Variants in UROC1 observed in about 807,000 individuals in gnomAD.
UROC1 encodes the protein urocanate hydratase 1.
Under a neutral mutation model 89.5 loss-of-function variants are expected in UROC1, and 79 were observed. The ratio of observed to expected loss-of-function variants is 0.88; its 90% CI spans 0.74 to 1.06. The LOEUF (loss-of-function observed/expected upper bound fraction) is 1.06. Ranked by LOEUF, UROC1 falls within the 50% of genes least tolerant of loss-of-function variation. The pLI, the probability that UROC1 is intolerant of heterozygous loss-of-function variation, is 0.00. For missense variants in UROC1, 885 were observed against 907.8 expected, an observed-to-expected ratio of 0.97 and a Z score of 0.32; for synonymous variants, 361 against 354.8, an observed-to-expected ratio of 1.02 and a Z score of -0.20.
chr3:126,502,629 TATGTGTGTGC>T, intron 9 of UROC1, among the ~76,000 whole-genome samples: 1 of 149,720 alleles, frequency 6.7e-6, no homozygotes, highest in Non-Finnish European at 1.5e-5. Flanking sequence ...TGTGTGTGTT[TATGTGTGTGC>T]ATGTGTGCAC....
Position 126,505,686 on chromosome 3 carries a change from A to C in UROC1, c.813+15T>G. The C allele has an allele frequency of 6.2e-7, 1 of 1,613,144 alleles. No individual in the cohort carries two copies. Among genetic ancestry groups the C allele is most frequent in the Middle Eastern group, 1.7e-4 (1 of 6,058 alleles). On this transcript the variant is annotated intron_variant, in intron 8 of 19. Transcript: ENST00000290868. ...GAGGCAGGCAGGAGCGAAGGCCAGG[A>C]GCCCCCCAGCTTACCTCTGCTATCA...
intron 18 of UROC1, among the ~76,000 whole-genome samples, chr3:126,483,763 C>T (rs1480312705): frequency 2.6e-5 from 4 of 152,230 alleles, no homozygotes; most frequent in Non-Finnish European, 4.4e-5. Flanking sequence ...TCCTGGGTAC[C>T]CCCAGTGGGC....
Position 126,500,786 on chromosome 3 carries a change from CA to C in UROC1, c.1053del (p.Asn351LysfsTer33). 6.2e-7 allele frequency: 1 copy of C among 1,614,106 alleles called. No homozygotes were observed. Among genetic ancestry groups the C allele is most frequent in the Non-Finnish European group, 8.5e-7 (1 of 1,180,036 alleles). Reference sequence around the variant, plus strand: ...CTGAGCTGCACAGGGTAGTAGCCGCCATTGAACGGGTTGTGGCAGGATGTCT... The same window carrying C: ...CTGAGCTGCACAGGGTAGTAGCCGCCTTGAACGGGTTGTGGCAGGATGTCT... ...SDQTSCHNPF[N>X]GGYYPVQLSF... On this transcript the variant is annotated frameshift_variant, in exon 11 of 20. Transcript: ENST00000290868. LOFTEE classifies it high-confidence loss of function.
chr3:126,511,124 T>A (rs1092239), intron 1 of UROC1, among the ~76,000 whole-genome samples: 1 of 152,050 alleles, frequency 6.6e-6, no homozygotes, highest in Non-Finnish European at 1.5e-5. Flanking sequence ...CTTGTGGCTA[T>A]GGTGTAGAAT....
At chr3:126,496,002 C>T in intron 15 of UROC1, 36 bp downstream of exon 15, 2 of 1,603,882 alleles carry the variant, frequency 1.2e-6, no homozygotes, top group African/African-American at 2.7e-5. Context: ...TCTGACAGCA[C>T]AGCCACCCCA....
At chr3:126,507,157 C>T (rs988596871) in intron 6 of UROC1, among the ~76,000 whole-genome samples, 2 of 152,186 alleles carry the variant, frequency 1.3e-5, no homozygotes, top group East Asian at 1.9e-4. Context: ...AGGGGCTGTG[C>T]GAGACCTCTC....
At chr3:126,501,120 CT>C in intron 10 of UROC1, 97 bp downstream of exon 10, 1 of 1,384,990 alleles carries the variant, frequency 7.2e-7, no homozygotes, top group Non-Finnish European at 1.0e-6. Context: ...GGGCTCAAAG[CT>C]TTGTGTCCTG....
intron 11 of UROC1, 107 bp downstream of exon 11, chr3:126,500,588 G>T: frequency 1.4e-6 from 2 of 1,417,036 alleles, no homozygotes; most frequent in Non-Finnish European, 2.0e-6. Flanking sequence ...TTAAGGTCTT[G>T]CCCAAGGCCA....
intron 13 of UROC1, among the ~76,000 whole-genome samples, chr3:126,498,531 G>A (rs1428052560): frequency 6.6e-6 from 1 of 152,042 alleles, no homozygotes; most frequent in African/African-American, 2.4e-5. Context: ...TGGGGAACTC[G>A]CCCTAGGTGA....
At position 126,505,970 on chromosome 3, in the gene UROC1, G is replaced by T; in HGVS notation, c.644C>A (p.Pro215His). 1 of 1,613,530 alleles carries T rather than the reference G, an allele frequency of 6.2e-7. No individual in the cohort carries two copies. The highest frequency in any genetic ancestry group is 8.5e-7 in the Non-Finnish European group (1 of 1,180,006). ...MTAGSYCYIG[P>H]QGIVHGTVLT... ...CACAGTGCCATGAACGATTCCCTGG[G>T]GACCGATGTAGCAGTAGCTACCTGC... Residue 215 changes from proline to histidine, a missense_variant, in exon 7 of 20, where the codon CCC becomes CAC. By Grantham distance (77) the Pro-to-His change is moderately conservative. Transcript: ENST00000290868.
intron 8 of UROC1, 56 bp from the exon 9 acceptor site, chr3:126,504,139 C>T (rs1936002334): frequency 1.3e-6 from 2 of 1,577,278 alleles, no homozygotes; most frequent in Non-Finnish European, 1.7e-6. Flanking sequence ...TACAAATCTT[C>T]CCTAAGTGTA....
In UROC1 at chr3:126,510,739, G is replaced by A. The variant is rs1338435550; in HGVS notation, c.182C>T (p.Ala61Val). The change falls in exon 2 of 20, where the codon GCC (alanine) becomes GTC (valine). Residue 61 changes from alanine (A) to valine (V), a missense_variant. Ala to Val is a moderately conservative substitution (Grantham distance 64, BLOSUM62 0). Coordinates refer to ENST00000290868, the MANE Select transcript of UROC1 (RefSeq NM_144639.3). ...TTGCAGCTCCTGGGCAAACTCTGGG[G>A]CCAGCAGCTCCTGGACATCCGGGGG... is the stretch of plus-strand genomic sequence containing the variant. ...YFPPDVQELL[A>V]PEFAQELQLY... 1 of 1,614,042 alleles carries A rather than the reference G, an allele frequency of 6.2e-7. No individual in the cohort carries two copies. Among genetic ancestry groups the A allele is most frequent in the Admixed American group, 1.7e-5 (1 of 60,010 alleles).
Position 126,509,632 on chromosome 3 carries a change from C to T in UROC1, c.304G>A (p.Ala102Thr), listed in dbSNP as rs752841139. Reference protein sequence around the residue: ...QYPCQTKVAAAIMHMIMNNLD... With the variant: ...QYPCQTKVAATIMHMIMNNLD... ...TTGTTCATAATCATGTGCATGATGG[C>T]GGCAGCCACTTTCGTCTGGCAGGGG... Residue 102 changes from alanine (A) to threonine (T), a missense_variant, in exon 3 of 20, where the codon GCC (alanine) becomes ACC (threonine). Coordinates refer to ENST00000290868, the MANE Select transcript of UROC1 (RefSeq NM_144639.3). 8.4e-6 allele frequency: 13 copies of T among 1,552,132 alleles called. No homozygotes were observed. The highest frequency in any genetic ancestry group is 7.3e-5 in the East Asian group (3 of 40,992).
Position 126,505,748 on chromosome 3 carries a change from G to C in UROC1, c.766C>G (p.Gln256Glu). 6.2e-7 allele frequency: 1 copy of C among 1,613,872 alleles called. No individual in the cohort carries two copies. Among genetic ancestry groups the C allele is most frequent in the Non-Finnish European group, 8.5e-7 (1 of 1,179,996 alleles). Residue 256 changes from glutamine (Q) to glutamate (E), a missense_variant, in exon 8 of 20, where the codon CAG (glutamine) becomes GAG (glutamate). By Grantham distance (29) the Gln-to-Glu change is conservative (BLOSUM62 2). Transcript: ENST00000290868. Reference sequence around the variant, plus strand: ...CCCACGATGACTGCGGCCTTGGCCTGAGCCCCACTCATTCCGCCGAGCCCA... The same window carrying C: ...CCCACGATGACTGCGGCCTTGGCCTCAGCCCCACTCATTCCGCCGAGCCCA... ...TSGLGGMSGA[Q>E]AKAAVIVGCI... is the part of the protein sequence containing the mutation.
rs1421649293 is a variant in UROC1 at position 126,499,956 on chromosome 3, C to G, written c.1243+101G>C. 1.5e-4 allele frequency: 178 copies of G among 1,200,652 alleles called. 1 individual carries two copies. The highest frequency in any genetic ancestry group is 2.1e-4 in the Non-Finnish European group (175 of 820,704). The allele number at this position is 1,200,652 out of a possible 1,614,324, so 74.4% of individuals were successfully genotyped here. ...CCTCGGTCAGGATTTGCTGGGCCAC[C>G]CATGGCACCTCCGAGTGAGGTGGGA... On this transcript the variant is annotated intron_variant, in intron 12 of 19. Coordinates refer to ENST00000290868, the MANE Select transcript of UROC1 (RefSeq NM_144639.3).
intron 18 of UROC1, among the ~76,000 whole-genome samples, chr3:126,484,841 G>A (rs1935475907): frequency 6.6e-6 from 1 of 152,216 alleles, no homozygotes; most frequent in Non-Finnish European, 1.5e-5. Context: ...CCATTCATCT[G>A]TCAGAGGAGC....
Position 126,507,777 on chromosome 3 carries a change from C to G in UROC1, c.567G>C (p.Thr189=). The change falls in exon 6 of 20, where the codon ACG becomes ACC. Residue 189 remains threonine (T), a synonymous_variant. Transcript: ENST00000290868. Reference sequence around the variant, plus strand: ...CCAAGGCAAAGAGCTTCTCATACTCCGTCCGGGAGGAGTAGTTGGGAATGA... The same window carrying G: ...CCAAGGCAAAGAGCTTCTCATACTCGGTCCGGGAGGAGTAGTTGGGAATGA... ...GMVIPNYSSR[T]EYEKLFALGV... is the part of the protein sequence containing the mutation. 3 of 1,614,106 alleles carry G rather than the reference C, an allele frequency of 1.9e-6. No homozygotes were observed. The highest frequency in any genetic ancestry group is 2.5e-6 in the Non-Finnish European group (3 of 1,180,034).
chr3:126,501,798 T>C (rs758300566), intron 9 of UROC1: 2 of 1,599,410 alleles, frequency 1.3e-6, no homozygotes, highest in Non-Finnish European at 1.7e-6. Context: ...ATTGAATGCT[T>C]ACCAGGAGTG....
At chr3:126,492,198 C>T (rs1402276074) in intron 16 of UROC1, among the ~76,000 whole-genome samples, 1 of 152,142 alleles carries the variant, frequency 6.6e-6, no homozygotes, top group Non-Finnish European at 1.5e-5. Context: ...CCTGATCTCC[C>T]TAAAGAGGGG....
Sources: gnomAD v4.1 joint callset for allele counts (sites outside exome capture counted in the v4.1 genomes callset) on GRCh38, gnomAD v4.1.1 for gene constraint, MANE v1.5 for transcripts, NCBI Gene and HGNC (gene_info 2026-07-23, HGNC 2026-07-21) for gene names.